INTS4: variants seen among roughly 807,000 people sequenced by gnomAD.
The protein encoded by INTS4 is MSTP093.
In INTS4, 70 loss-of-function variants were observed where a neutral mutation model predicts 119.5. The observed-to-expected ratio is 0.59, with a 90% CI of 0.48 to 0.71. The LOEUF (loss-of-function observed/expected upper bound fraction) is 0.71, where lower values mean the gene tolerates loss of function less well. INTS4 is among the 30% of genes least tolerant of loss of function. INTS4 has a pLI of 0.00. For synonymous variants in INTS4, 316 were observed against 419.6 expected, an observed-to-expected ratio of 0.75 and a Z score of 3.02; for missense variants, 867 against 1,173.2, an observed-to-expected ratio of 0.74 and a Z score of 3.81.
chr11:77,890,735 G>T (rs1254526372), intron 21 of INTS4, among the ~76,000 whole-genome samples: 1 of 152,212 alleles, frequency 6.6e-6, no homozygotes, highest in Non-Finnish European at 1.5e-5. Context: ...CGATTGCACA[G>T]ATGGATGGAA....
At chr11:77,986,103 T>C (rs1350397110) in intron 2 of INTS4, among the ~76,000 whole-genome samples, 1 of 152,230 alleles carries the variant, frequency 6.6e-6, no homozygotes, top group East Asian at 1.9e-4. Flanking sequence ...GATTAATGCA[T>C]GCAGCATGGA....
chr11:77,982,097 C>CCACTGCTAT (rs1856259150), intron 2 of INTS4, among the ~76,000 whole-genome samples: 3 of 151,800 alleles, frequency 2.0e-5, no homozygotes, highest in African/African-American at 7.3e-5. Context: ...GTTGCAGCTA[C>CCACTGCTAT]CACTGCTATC....
intron 8 of INTS4, among the ~76,000 whole-genome samples, chr11:77,947,319 T>C (rs1340966400): frequency 1.3e-5 from 2 of 152,122 alleles, no homozygotes; most frequent in Non-Finnish European, 2.9e-5. Flanking sequence ...AGGTTCACAA[T>C]TACATTCAAC....
At chr11:77,896,766 T>A (rs1223611562) in intron 18 of INTS4, among the ~76,000 whole-genome samples, 1 of 147,324 alleles carries the variant, frequency 6.8e-6, no homozygotes, top group African/African-American at 2.5e-5. Flanking sequence ...ACATTTAGTA[T>A]AACAGACTAG....
At chr11:77,914,768 G>A (rs1163670864) in intron 15 of INTS4, among the ~76,000 whole-genome samples, 1 of 152,118 alleles carries the variant, frequency 6.6e-6, no homozygotes, top group East Asian at 1.9e-4. Flanking sequence ...GGCCAGCTTT[G>A]GTCCACAGGC....
chr11:77,895,406 T>C (rs1952466848), intron 18 of INTS4, among the ~76,000 whole-genome samples: 1 of 151,916 alleles, frequency 6.6e-6, no homozygotes, highest in Non-Finnish European at 1.5e-5. Flanking sequence ...TTCTTCATCA[T>C]ATATTTCCTA....
intron 10 of INTS4, 99 bp from the exon 11 acceptor site, chr11:77,928,646 G>A (rs1400779216): frequency 6.7e-7 from 1 of 1,498,800 alleles, no homozygotes; most frequent in Admixed American, 2.2e-5. Context: ...CAGATCACTT[G>A]AGCCCGCCTA....
chr11:77,974,782 G>A (rs1855880551), intron 4 of INTS4, among the ~76,000 whole-genome samples: 1 of 151,746 alleles, frequency 6.6e-6, no homozygotes, highest in Non-Finnish European at 1.5e-5. Flanking sequence ...TTTGTTTTAT[G>A]TAGATATGGG....
chr11:77,953,113 T>C (rs1376340356), intron 8 of INTS4, among the ~76,000 whole-genome samples: 2 of 152,160 alleles, frequency 1.3e-5, no homozygotes, highest in Non-Finnish European at 1.5e-5. Context: ...ATGAAAGCGC[T>C]TCACACAGGT....
At chr11:77,988,591 C>T (rs1279879402) in intron 2 of INTS4, among the ~76,000 whole-genome samples, 1 of 152,264 alleles carries the variant, frequency 6.6e-6, no homozygotes, top group East Asian at 1.9e-4. Context: ...TGGGGATAGG[C>T]AGTTTCGATA....
At chr11:77,879,167 C>G (rs1951695875) in intron 22 of INTS4, 40 bp from the exon 23 acceptor site, 1 of 1,605,586 alleles carries the variant, frequency 6.2e-7, no homozygotes, top group Non-Finnish European at 8.5e-7. Flanking sequence ...AACTAGGCAA[C>G]TGCTAGGAAT....
At chr11:77,985,642 G>A (rs1331078846) in intron 2 of INTS4, among the ~76,000 whole-genome samples, 1 of 152,110 alleles carries the variant, frequency 6.6e-6, no homozygotes, top group African/African-American at 2.4e-5. Context: ...ACTCAGATCA[G>A]GGATTACATC....
intron 10 of INTS4, among the ~76,000 whole-genome samples, chr11:77,932,031 C>T (rs1468569709): frequency 1.3e-5 from 2 of 152,120 alleles, no homozygotes; most frequent in African/African-American, 4.8e-5. Flanking sequence ...TAGGCATGGG[C>T]AAAGACTTCA....
chr11:77,955,065 A>C (rs1269609649), intron 8 of INTS4, among the ~76,000 whole-genome samples: 1 of 152,090 alleles, frequency 6.6e-6, no homozygotes, highest in Non-Finnish European at 1.5e-5. Flanking sequence ...TGGGGCTGGG[A>C]GTAGTGGCTT....
In INTS4 at chr11:77,938,741, G is replaced by C. The variant is rs781503762; in HGVS notation, c.1075C>G (p.Pro359Ala). The change falls in exon 10 of 23, where the codon CCC becomes GCC. Residue 359 changes from proline to alanine, a missense_variant. Pro to Ala is a conservative substitution (Grantham distance 27). Coordinates refer to ENST00000534064, the MANE Select transcript of INTS4 (RefSeq NM_033547.4). The stretch of plus-strand genomic sequence containing the variant: ...GCCCCGGTATCTACTTCTTCCTTGG[G>C]AGCATCATCTCCCCACTTTCTGCCA... ...SSGRKWGDDA[P>A]KEEVDTGAVN... is the part of the protein sequence containing the mutation. 4 of 1,611,782 alleles carry C rather than the reference G, an allele frequency of 2.5e-6. No individual in the cohort carries two copies. The highest frequency in any genetic ancestry group is 3.3e-5 in the Admixed American group (2 of 59,976).
At chr11:77,917,473 C>G (rs1255000773) in intron 15 of INTS4, among the ~76,000 whole-genome samples, 6 of 151,802 alleles carry the variant, frequency 4.0e-5, no homozygotes, top group South Asian at 2.1e-4. Flanking sequence ...GCCACCACAC[C>G]TGGCTAATTT....
intron 4 of INTS4, among the ~76,000 whole-genome samples, chr11:77,969,602 G>A (rs72941320): frequency 0.1 from 15,162 of 152,024 alleles, 1,134 homozygotes; most frequent in East Asian, 0.25. Context: ...TTGAACACCT[G>A]CACTCAAGCG....
rs1188728207 is a variant in INTS4, at chr11:77,961,154, AAAAAAAG to A, written c.472-23_472-17del. On this transcript the variant is annotated splice_polypyrimidine_tract_variant and intron_variant, in intron 4 of 22. Coordinates refer to ENST00000534064, the MANE Select transcript of INTS4 (RefSeq NM_033547.4). The stretch of plus-strand genomic sequence containing the variant: ...CTGTCAGATGCTATTAAAAAAAAAA[AAAAAAAG>A]AAAAAAAGAAAAAGAAAAAAAGGAC... 31 of 1,537,530 alleles carry A rather than the reference AAAAAAAG, an allele frequency of 2.0e-5. No individual in the cohort carries two copies. The highest frequency in any genetic ancestry group is 2.8e-5 in the African/African-American group (2 of 70,904).
chr11:77,941,802 G>A (rs1426667327), intron 8 of INTS4, among the ~76,000 whole-genome samples: 5 of 151,994 alleles, frequency 3.3e-5, no homozygotes, highest in South Asian at 2.1e-4. Flanking sequence ...CACCACGCCC[G>A]GCCACTATGT....
Sources: allele counts gnomAD v4.1 joint callset (sites outside exome capture counted in the v4.1 genomes callset), GRCh38; gene constraint gnomAD v4.1.1; transcripts MANE v1.5; gene names NCBI Gene and HGNC (gene_info 2026-07-23, HGNC 2026-07-21).